SHB: variants seen among roughly 807,000 people sequenced by gnomAD.
SHB encodes SH2 domain containing adaptor protein B, also known as SH2 domain-containing adapter protein B.
In SHB, 20 loss-of-function variants were observed where a neutral mutation model predicts 52.3. That is an observed-to-expected ratio of 0.38 (90% CI 0.27 to 0.56). The LOEUF is 0.56. Ranked by LOEUF, SHB falls within the 20% of genes least tolerant of loss-of-function variation. The pLI, the probability that SHB is intolerant of heterozygous loss-of-function variation, is 0.71. For missense variants in SHB, 825 were observed against 723.3 expected, an observed-to-expected ratio of 1.14 and a Z score of -1.61; for synonymous variants, 397 against 316.5, an observed-to-expected ratio of 1.25 and a Z score of -2.70.
intron 2 of SHB, among the ~76,000 whole-genome samples, chr9:37,996,443 G>A (rs116093821): frequency 3.0e-3 from 459 of 152,356 alleles, no homozygotes; most frequent in African/African-American, 0.01. Context: ...AGGCCTGTAC[G>A]TGTGCAGAAT....
chr9:38,012,245 C>T (rs190162499), intron 2 of SHB, among the ~76,000 whole-genome samples: 5 of 152,292 alleles, frequency 3.3e-5, no homozygotes, highest in Admixed American at 2.0e-4. Context: ...AACCAAACTA[C>T]AGTGCACCAA....
At chr9:37,974,860 CA>C (rs763093617) in intron 2 of SHB, 23 bp from the exon 3 acceptor site, 6 of 1,596,328 alleles carry the variant, frequency 3.8e-6, no homozygotes, top group Non-Finnish European at 5.2e-6. Context: ...AGGAAGGAAG[CA>C]GAGATGAAAT....
In SHB at chr9:38,068,537, G is replaced by A; in HGVS notation, c.109C>T (p.Pro37Ser). The A allele has an allele frequency of 6.9e-7, 1 of 1,448,332 alleles. No homozygotes were observed. Among genetic ancestry groups the A allele is most frequent in the Non-Finnish European group, 9.0e-7 (1 of 1,112,788 alleles). The allele number at this position is 1,448,332 out of a possible 1,614,324, so 89.7% of individuals were successfully genotyped here. ...YREQRRRGER[P>S]SQPPQAVPQA... ...GGCACGGCCTGGGGGGGCTGCGAAG[G>A]CCGCTCGCCTCGGCGCCGCTGCTCG... Residue 37 changes from proline (P) to serine (S), a missense_variant, in exon 1 of 6, where the codon CCT becomes TCT. Transcript: ENST00000377707.
chr9:38,040,054 G>C (rs1298543735), intron 1 of SHB, among the ~76,000 whole-genome samples: 1 of 152,248 alleles, frequency 6.6e-6, no homozygotes, highest in Non-Finnish European at 1.5e-5. Flanking sequence ...GATAAGCCTG[G>C]GGGTTTTTCC....
chr9:38,037,718 C>G (rs1821506668), intron 1 of SHB, among the ~76,000 whole-genome samples: 1 of 152,218 alleles, frequency 6.6e-6, no homozygotes, highest in South Asian at 2.1e-4. Flanking sequence ...GTGAGCCTCT[C>G]TCCTCTGAGC....
At chr9:37,970,321 G>C (rs960171913) in intron 3 of SHB, among the ~76,000 whole-genome samples, 5 of 152,170 alleles carry the variant, frequency 3.3e-5, no homozygotes, top group Non-Finnish European at 1.5e-5. Flanking sequence ...TCTCAGAGAA[G>C]GGGAAACTTT....
intron 2 of SHB, chr9:38,015,283 G>A: frequency 1.1e-5 from 7 of 609,322 alleles, no homozygotes; most frequent in Non-Finnish European, 1.5e-5. Flanking sequence ...CTGCCTACAA[G>A]ATGACTGATG....
chr9:37,976,539 G>A (rs1455507222), intron 2 of SHB, among the ~76,000 whole-genome samples: 3 of 152,100 alleles, frequency 2.0e-5, no homozygotes, highest in African/African-American at 7.2e-5. Flanking sequence ...CTATGAATCT[G>A]ATCGGTCTAG....
At chr9:38,020,692 C>A (rs1234232900) in intron 1 of SHB, among the ~76,000 whole-genome samples, 1 of 152,188 alleles carries the variant, frequency 6.6e-6, no homozygotes. Flanking sequence ...CAAAATCTCA[C>A]AAATCACCAC....
At position 38,068,163 on chromosome 9, in the gene SHB, G is replaced by A; in HGVS notation, c.483C>T (p.Leu161=). ...SSSSSSGSPH[L]YRSSSERRPA... ...GCCGCCGCTCGCTGCTGCTGCGGTA[G>A]AGATGCGGAGAGCCGGAGGACGAGG... Residue 161 remains leucine (L), a synonymous_variant, in exon 1 of 6, where the codon CTC becomes CTT. Transcript: ENST00000377707. 1 of 1,440,210 alleles carries A rather than the reference G, an allele frequency of 6.9e-7. No individual in the cohort carries two copies. Among genetic ancestry groups the A allele is most frequent in the Non-Finnish European group, 9.0e-7 (1 of 1,110,030 alleles). 89.2% of individuals were successfully genotyped at this position (1,440,210 alleles called of 1,614,324 possible). A position where few individuals can be genotyped will look rare whatever the true frequency, so the allele number is the denominator to read the frequency against.
intron 1 of SHB, among the ~76,000 whole-genome samples, chr9:38,036,210 A>G (rs1034047441): frequency 1.3e-5 from 2 of 152,108 alleles, no homozygotes; most frequent in African/African-American, 4.8e-5. Flanking sequence ...CACCAGCCAC[A>G]TTCGCCCCGA....
chr9:37,979,633 C>A lies in SHB; in HGVS notation c.839-4796G>T, dbSNP rs77488838. On this transcript the variant is annotated intron_variant, in intron 2 of 5. Transcript: ENST00000377707. ...TAGTGCCTCCCTGAAAAAAAAAAAA[C>A]AAAAAAACAACAACAACAAAAAAAA... Among the ~76,000 whole-genome samples the A allele has an allele frequency of 2.3e-3, 346 of 149,582 alleles. 5 individuals are homozygous for A. The East Asian group carries it at 0.043, about 19-fold the overall frequency.
chr9:37,986,932 T>G (rs2075659639), intron 2 of SHB, among the ~76,000 whole-genome samples: 1 of 152,230 alleles, frequency 6.6e-6, no homozygotes, highest in Non-Finnish European at 1.5e-5. Flanking sequence ...ACACGCGATC[T>G]TCCAGTCTGC....
intron 1 of SHB, among the ~76,000 whole-genome samples, chr9:38,029,540 G>A (rs1482382478): frequency 6.6e-6 from 1 of 151,952 alleles, no homozygotes; most frequent in East Asian, 1.9e-4. Flanking sequence ...TGCCCAGGGT[G>A]AAGTGCAATG....
chr9:37,922,327 T>C (rs1832191768), intron 5 of SHB, among the ~76,000 whole-genome samples: 2 of 152,250 alleles, frequency 1.3e-5, no homozygotes, highest in South Asian at 4.1e-4. Flanking sequence ...TGGACAGTGA[T>C]AGCAGCAATG....
intron 5 of SHB, among the ~76,000 whole-genome samples, chr9:37,923,420 C>T (rs1364589842): frequency 2.0e-5 from 3 of 152,190 alleles, no homozygotes; most frequent in African/African-American, 7.2e-5. Context: ...GTGGAGCCCC[C>T]CAGCCTGAGA....
chr9:38,063,654 G>C (rs926911182), intron 1 of SHB, among the ~76,000 whole-genome samples: 2 of 152,232 alleles, frequency 1.3e-5, no homozygotes. Flanking sequence ...CTCTCTGGTT[G>C]TATCTGTCTC....
intron 1 of SHB, among the ~76,000 whole-genome samples, chr9:38,033,431 C>T (rs1170654651): frequency 6.6e-6 from 1 of 152,164 alleles, no homozygotes; most frequent in Non-Finnish European, 1.5e-5. Flanking sequence ...CCAGCTGGTG[C>T]GGTGGCTCAT....
At chr9:37,920,122 A>C (rs1587189447) in intron 5 of SHB, 118 bp from the exon 6 acceptor site, 1 of 783,348 alleles carries the variant, frequency 1.3e-6, no homozygotes. Flanking sequence ...TGTGAGCTGC[A>C]CCTCTCCAAG....
Sources: gnomAD v4.1 joint callset for allele counts (sites outside exome capture counted in the v4.1 genomes callset) on GRCh38, gnomAD v4.1.1 for gene constraint, MANE v1.5 for transcripts, NCBI Gene and HGNC (gene_info 2026-07-23, HGNC 2026-07-21) for gene names.